AFF2: variants seen among roughly 807,000 people sequenced by gnomAD.
AFF2 encodes the protein ALF transcription elongation factor 2, also known as AF4/FMR2 family member 2.
AFF2 carries 14 observed loss-of-function variants against 76.9 expected under a neutral mutation model. The ratio of observed to expected loss-of-function variants is 0.18; its 90% CI spans 0.12 to 0.28. The LOEUF is 0.28. Among genes scored for constraint, AFF2 ranks in the 10% least tolerant of loss-of-function variants. The pLI, the probability that AFF2 is intolerant of heterozygous loss-of-function variation, is 1.00. For missense variants in AFF2, 868 were observed against 1,001.1 expected (o/e 0.87, Z 1.79); for synonymous variants, 398 against 366.7 (o/e 1.09, Z -0.98).
intron 3 of AFF2, among the ~76,000 whole-genome samples, chrX:148,716,849 A>G (rs146103830): frequency 9.0e-6 from 1 of 111,538 alleles, no homozygotes; most frequent in Non-Finnish European, 1.9e-5. Context: ...GACACTGGGG[A>G]TCCATCAAGG....
chrX:148,881,993 C>T (rs192209344), intron 7 of AFF2, among the ~76,000 whole-genome samples: 206 of 111,516 alleles, frequency 1.8e-3, no homozygotes, highest in Middle Eastern at 4.6e-3. Context: ...CTGTTTGGCT[C>T]TCGAGACCTT....
At chrX:148,639,222 T>C (rs1335139871) in intron 1 of AFF2, among the ~76,000 whole-genome samples, 2 of 112,246 alleles carry the variant, frequency 1.8e-5, no homozygotes, top group East Asian at 5.6e-4. Flanking sequence ...ACCAGGCAAA[T>C]GGAAGAGTCT....
chrX:148,709,094 A>G (rs1265768469), intron 3 of AFF2, among the ~76,000 whole-genome samples: 1 of 111,522 alleles, frequency 9.0e-6, no homozygotes, highest in African/African-American at 3.3e-5. Context: ...TGGCTTTTTC[A>G]CTTAGTAAGA....
intron 3 of AFF2, among the ~76,000 whole-genome samples, chrX:148,767,903 A>T (rs1557267868): frequency 9.0e-6 from 1 of 111,125 alleles, no homozygotes; most frequent in Non-Finnish European, 1.9e-5. Context: ...ACGTCAGGAT[A>T]ACCAGGCCCA....
intron 3 of AFF2, among the ~76,000 whole-genome samples, chrX:148,758,291 C>T (rs186564652): frequency 5.2e-4 from 59 of 112,648 alleles, no homozygotes; most frequent in African/African-American, 1.6e-3. Flanking sequence ...TTTGAAACAA[C>T]ATGATTCTTA....
In AFF2 at chrX:148,712,626, C is replaced by CTCAATATGCAATGAAT. The variant is rs782148716; in HGVS notation, c.1041+49866_1041+49881dup. ...TGTGTAGTTTTTAATGAGTATAAAACTCAATATGCAATGAATTCAATATAC... is the reference window on the plus strand; with the variant it reads ...TGTGTAGTTTTTAATGAGTATAAAACTCAATATGCAATGAATTCAATATGCAATGAATTCAATATAC... On this transcript the variant is annotated intron_variant, in intron 3 of 20. Transcript: ENST00000370460. Among the ~76,000 whole-genome samples the CTCAATATGCAATGAAT allele has an allele frequency of 8.7e-3, 979 of 111,886 alleles. 6 individuals carry two copies. Among genetic ancestry groups the CTCAATATGCAATGAAT allele is most frequent in the Non-Finnish European group, 0.014 (733 of 53,143 alleles).
At chrX:148,713,783 T>C (rs1449886755) in intron 3 of AFF2, among the ~76,000 whole-genome samples, 2 of 111,265 alleles carry the variant, frequency 1.8e-5, no homozygotes, top group African/African-American at 6.5e-5. Flanking sequence ...GATTGAAAAA[T>C]TGGCCTCCTC....
chrX:148,654,812 GGTAA>G lies in AFF2; in HGVS notation c.180+2684_180+2687del, dbSNP rs781814304. ...GAAAATGGAGGAGAGGTCAAAGCAC[GGTAA>G]GTGTCTTATCCTTTCTCAAGCTGAA... On this transcript the variant is annotated intron_variant, in intron 2 of 20. Coordinates refer to ENST00000370460, the MANE Select transcript of AFF2 (RefSeq NM_002025.4). Among the ~76,000 whole-genome samples the G allele has an allele frequency of 4.8e-3, 526 of 108,508 alleles. 4 individuals carry two copies. Among genetic ancestry groups the G allele is most frequent in the African/African-American group, 0.017 (517 of 29,920 alleles). 94.2% of individuals were successfully genotyped at this position (108,508 alleles called of 115,157 possible). A position where few individuals can be genotyped will look rare whatever the true frequency, so the allele number is the denominator to read the frequency against.
At chrX:148,691,075 G>A (rs932513744) in intron 3 of AFF2, among the ~76,000 whole-genome samples, 2 of 111,769 alleles carry the variant, frequency 1.8e-5, no homozygotes, top group Non-Finnish European at 3.8e-5. Context: ...TGAGGTAGTG[G>A]ATGTTAGGAC....
intron 7 of AFF2, among the ~76,000 whole-genome samples, chrX:148,869,382 A>C (rs1557277127): frequency 8.9e-6 from 1 of 112,524 alleles, no homozygotes; most frequent in Non-Finnish European, 1.9e-5. Context: ...TATGTATTTT[A>C]TTACAAAATA....
intron 3 of AFF2, among the ~76,000 whole-genome samples, chrX:148,708,287 A>T (rs191134004): frequency 3.5e-4 from 39 of 112,260 alleles, no homozygotes; most frequent in African/African-American, 1.1e-3. Flanking sequence ...ATGTCATGGA[A>T]TAAAAAGGAG....
intron 5 of AFF2, among the ~76,000 whole-genome samples, chrX:148,839,290 A>G (rs1234358686): frequency 8.9e-6 from 1 of 112,110 alleles, no homozygotes; most frequent in Non-Finnish European, 1.9e-5. Flanking sequence ...AGAAGTCTAC[A>G]CACCCACTCC....
intron 1 of AFF2, among the ~76,000 whole-genome samples, chrX:148,553,214 C>T (rs1402851843): frequency 8.9e-6 from 1 of 111,767 alleles, no homozygotes; most frequent in Non-Finnish European, 1.9e-5. Context: ...CAGGTAACTG[C>T]TACCCAAAAC....
Position 148,953,598 on chromosome X carries a change from C to T in AFF2, c.1416C>T (p.Pro472=). 8.3e-7 allele frequency: 1 copy of T among 1,210,691 alleles called. No homozygotes were observed. The highest frequency in any genetic ancestry group is 3.0e-5 in the East Asian group (1 of 33,833). The change falls in exon 10 of 21, where the codon CCC becomes CCT. Residue 472 remains proline, a synonymous_variant. Coordinates refer to ENST00000370460, the MANE Select transcript of AFF2 (RefSeq NM_002025.4). ...CTTTCAGCCCACCCTTGGCCACTCC[C>T]CAGCCCCCACCTGCAGTGCAAGCCA... ...NNPVNPPLAT[P]QPPPAVQASG... is the part of the protein sequence containing the mutation.
At chrX:148,785,925 T>C (rs782374843) in intron 3 of AFF2, among the ~76,000 whole-genome samples, 3 of 111,735 alleles carry the variant, frequency 2.7e-5, no homozygotes, top group East Asian at 5.7e-4. Context: ...TCTGCATCAC[T>C]GTTGGACAAG....
intron 3 of AFF2, among the ~76,000 whole-genome samples, chrX:148,755,316 G>A (rs995452270): frequency 3.6e-5 from 4 of 111,971 alleles, no homozygotes; most frequent in Non-Finnish European, 7.5e-5. Flanking sequence ...ACAGAAAAAC[G>A]TTTCCCTTTT....
chrX:148,519,785 T>C (rs1282914715), intron 1 of AFF2, among the ~76,000 whole-genome samples: 2 of 111,855 alleles, frequency 1.8e-5, no homozygotes, highest in African/African-American at 3.3e-5. Context: ...ACTTAAACTC[T>C]TAAGATATGT....
At chrX:148,789,615 G>C (rs2007875) in intron 3 of AFF2, among the ~76,000 whole-genome samples, 64,892 of 109,803 alleles carry the variant, frequency 0.59, 16,167 homozygotes, top group East Asian at 0.92. Context: ...AATAAATAGA[G>C]AGGTATGGTC....
chrX:148,986,238 T>C (rs782551631), intron 19 of AFF2, among the ~76,000 whole-genome samples: 3 of 112,330 alleles, frequency 2.7e-5, no homozygotes, highest in Non-Finnish European at 5.6e-5. Context: ...TTTCATTTAC[T>C]CACTCATTAT....
Sources: allele counts gnomAD v4.1 joint callset (sites outside exome capture counted in the v4.1 genomes callset), GRCh38; gene constraint gnomAD v4.1.1; transcripts MANE v1.5; gene names NCBI Gene and HGNC (gene_info 2026-07-23, HGNC 2026-07-21).